The following HARS1 variants were observed in gnomAD, a reference collection of about 807,000 sequenced individuals.
HARS1 encodes histidine--tRNA ligase, cytoplasmic.
A neutral mutation model predicts 63.6 loss-of-function variants in HARS1; 45 were observed. The ratio of observed to expected loss-of-function variants is 0.71; its 90% confidence interval spans 0.56 to 0.91. The LOEUF is 0.91. Among genes scored for constraint, HARS1 ranks in the 40% least tolerant of loss-of-function variants. HARS1 has a pLI of 0.00. For synonymous variants in HARS1, 205 were observed against 247.1 expected (o/e 0.83, Z 1.60); for missense variants, 508 against 643.2 (o/e 0.79, Z 2.27).
Position 140,683,206 on chromosome 5 carries a change from T to C in HARS1, c.194A>G (p.Tyr65Cys), listed in dbSNP as rs778888468. 12 of 1,613,800 alleles carry C rather than the reference T, an allele frequency of 7.4e-6. No individual in the cohort carries two copies. The highest frequency in any genetic ancestry group is 2.2e-5 in the South Asian group (2 of 91,072). ...VLKTPKGTRD[Y>C]SPRQMAVREK... ...GCGAACTGCCATCTGCCGGGGACTA[T>C]AGTCTCTTGTGCCCTTGGAGTTGAA... Residue 65 changes from tyrosine (Y) to cysteine (C), a missense_variant, in exon 3 of 13, where the codon TAT becomes TGT. By Grantham distance (194) the Tyr-to-Cys change is radical (BLOSUM62 -2). Transcript: ENST00000504156.
chr5:140,678,952 T>C (rs1290731177), intron 5 of HARS1, 50 bp downstream of exon 5: 6 of 1,598,746 alleles, frequency 3.8e-6, no homozygotes, highest in Non-Finnish European at 5.1e-6. Flanking sequence ...TCTGCTGGCT[T>C]GAGAGAGCCC....
At position 140,679,878 on chromosome 5, in the gene HARS1, T is replaced by G; in HGVS notation, c.306A>C (p.Thr102=). ...IDTPVFELKE[T]LMGKYGEDSK... is the part of the protein sequence containing the mutation. Reference sequence around the variant, plus strand: ...AGTCTTCCCCATACTTTCCCATCAGTGTTTCCTGGAGAAAACATAAATAAA... The same window carrying G: ...AGTCTTCCCCATACTTTCCCATCAGGGTTTCCTGGAGAAAACATAAATAAA... The change falls in exon 4 of 13, where the codon ACA becomes ACC. Residue 102 remains threonine (T), a synonymous_variant. Transcript: ENST00000504156. This position sits in a 1 kb window ranked among gnomAD's most constrained non-coding sequence, Gnocchi z 4.3. 1 of 1,573,680 alleles carries G rather than the reference T, an allele frequency of 6.4e-7. No homozygotes were observed. The highest frequency in any genetic ancestry group is 8.7e-7 in the Non-Finnish European group (1 of 1,143,572).
rs763583109 is a variant in HARS1, at chr5:140,674,213, A to G, written c.*44T>C. ...ACATATGCAGTTTGTCTTAACCTCA[A>G]ATAGTGCCAGTCCCACTTCCTTTCC... is the stretch of plus-strand genomic sequence containing the variant. On this transcript the variant is annotated 3_prime_UTR_variant, in exon 13 of 13. Transcript: ENST00000504156. 1 of 1,234,464 alleles carries G rather than the reference A, an allele frequency of 8.1e-7. No homozygotes were observed. Among genetic ancestry groups the G allele is most frequent in the Admixed American group, 1.7e-5 (1 of 59,620 alleles). The allele number at this position is 1,234,464 out of a possible 1,614,324, so 76.5% of individuals were successfully genotyped here. A position where few individuals can be genotyped will look rare whatever the true frequency, so the allele number is the denominator to read the frequency against.
At chr5:140,684,456 T>C in intron 2 of HARS1, 1 of 964,150 alleles carries the variant, frequency 1.0e-6, no homozygotes, top group Non-Finnish European at 1.2e-6. Flanking sequence ...TTCTTTTAAA[T>C]CTTAGTTACA....
Position 140,678,989 on chromosome 5 carries a change from TC to T in HARS1, c.522+12del. On this transcript the variant is annotated intron_variant, in intron 5 of 12. Coordinates refer to ENST00000504156, the MANE Select transcript of HARS1 (RefSeq NM_002109.6). Reference sequence around the variant, plus strand: ...AAGTAACTCATCCTGCCCCACGGTTTCCCAACACTCACACACTGGTAGAATT... The same window carrying T: ...AAGTAACTCATCCTGCCCCACGGTTTCCAACACTCACACACTGGTAGAATT... 6.2e-7 allele frequency: 1 copy of T among 1,613,236 alleles called. No homozygotes were observed. The highest frequency in any genetic ancestry group is 8.5e-7 in the Non-Finnish European group (1 of 1,179,600).
rs1308744251 is a variant in HARS1 at position 140,674,064 on chromosome 5, G to GTGT, written c.*190_*192dup. ...GCCTCCTGGGCCTTGTATGAAAAAG[G>GTGT]TGTTGTACCTGGCCGTTTTTGCCAG... On this transcript the variant is annotated 3_prime_UTR_variant, in exon 13 of 13. Coordinates refer to ENST00000504156, the MANE Select transcript of HARS1 (RefSeq NM_002109.6). 1 of 659,436 alleles carries GTGT rather than the reference G, an allele frequency of 1.5e-6. No homozygotes were observed. Among genetic ancestry groups the GTGT allele is most frequent in the Non-Finnish European group, 2.8e-6 (1 of 361,628 alleles). 40.8% of individuals were successfully genotyped at this position (659,436 alleles called of 1,614,324 possible). A position where few individuals can be genotyped will look rare whatever the true frequency, so the allele number is the denominator to read the frequency against.
At chr5:140,690,807 A>G (rs748684462) in intron 2 of HARS1, 48 bp downstream of exon 2, 1 of 1,029,276 alleles carries the variant, frequency 9.7e-7, no homozygotes. Flanking sequence ...GCGCCCCGTG[A>G]GTAGAGTTAG....
intron 2 of HARS1, among the ~76,000 whole-genome samples, chr5:140,690,194 G>T (rs957580225): frequency 3.9e-5 from 6 of 152,218 alleles, no homozygotes; most frequent in African/African-American, 1.2e-4. Flanking sequence ...GCACACGTCT[G>T]TAATCCCAGC....
chr5:140,687,225 T>C (rs1759091224), intron 2 of HARS1, among the ~76,000 whole-genome samples: 1 of 152,148 alleles, frequency 6.6e-6, no homozygotes, highest in Non-Finnish European at 1.5e-5. Context: ...GGGTCAAGAT[T>C]CAATAAAATC....
intron 2 of HARS1, among the ~76,000 whole-genome samples, chr5:140,689,305 C>T (rs566866734): frequency 6.6e-6 from 1 of 152,296 alleles, no homozygotes; most frequent in Admixed American, 6.5e-5. Context: ...TCCATGGATG[C>T]TCAAGCCCTT....
At chr5:140,686,793 A>G (rs1315386255) in intron 2 of HARS1, among the ~76,000 whole-genome samples, 2 of 150,518 alleles carry the variant, frequency 1.3e-5, no homozygotes, top group East Asian at 2.0e-4. Context: ...GGGTTTCTCT[A>G]TGTTGGTCAG....
intron 2 of HARS1, chr5:140,688,028 C>T (rs1759141616): frequency 1.3e-5 from 2 of 152,258 alleles, no homozygotes; most frequent in Admixed American, 6.5e-5. Flanking sequence ...CGCTTGAACC[C>T]GGGAGGCGGA....
intron 1 of HARS1, 39 bp downstream of exon 1, chr5:140,691,176 G>A: frequency 6.9e-7 from 1 of 1,451,132 alleles, no homozygotes; most frequent in Non-Finnish European, 9.5e-7. Context: ...GTCCTCCCAG[G>A]CTTTGCCTTG....
chr5:140,675,446 G>A, intron 10 of HARS1: 1 of 230,234 alleles, frequency 4.3e-6, no homozygotes, highest in Non-Finnish European at 8.6e-6. Flanking sequence ...TGTCATCCAG[G>A]CTGAAGTGCC....
At chr5:140,674,362 A>T in intron 12 of HARS1, 34 bp from the exon 13 acceptor site, 1 of 1,409,938 alleles carries the variant, frequency 7.1e-7, no homozygotes, top group Non-Finnish European at 1.0e-6. Flanking sequence ...TGGTATAAGC[A>T]TCTTCCATTC....
rs202077643 is a variant in HARS1, at chr5:140,683,205, A to G, written c.195T>C (p.Tyr65=). The G allele has an allele frequency of 6.2e-7, 1 of 1,613,854 alleles. No individual in the cohort carries two copies. Among genetic ancestry groups the G allele is most frequent in the Non-Finnish European group, 8.5e-7 (1 of 1,179,802 alleles). The change falls in exon 3 of 13, where the codon TAT becomes TAC. Residue 65 remains tyrosine (Y), a synonymous_variant. Transcript: ENST00000504156. Reference sequence around the variant, plus strand: ...CGCGAACTGCCATCTGCCGGGGACTATAGTCTCTTGTGCCCTTGGAGTTGA... The same window carrying G: ...CGCGAACTGCCATCTGCCGGGGACTGTAGTCTCTTGTGCCCTTGGAGTTGA... ...VLKTPKGTRD[Y]SPRQMAVREK...
intron 2 of HARS1, chr5:140,684,270 A>T (rs535134126): frequency 1.3e-6 from 1 of 798,076 alleles, no homozygotes; most frequent in East Asian, 1.3e-4. Flanking sequence ...AGCCTGGGAG[A>T]CAGAGCAAGA....
intron 12 of HARS1, 145 bp from the exon 13 acceptor site, chr5:140,674,473 C>T: frequency 1.3e-6 from 1 of 796,904 alleles, no homozygotes; most frequent in East Asian, 2.5e-5. Flanking sequence ...TAGAGTGTGC[C>T]TCTTGGGGGA....
At chr5:140,684,743 A>G (rs575504553) in intron 2 of HARS1, 1 of 152,364 alleles carries the variant, frequency 6.6e-6, no homozygotes, top group South Asian at 2.1e-4. Flanking sequence ...ATCAATATTT[A>G]CTGTATTAGA....
Sources: allele counts gnomAD v4.1 joint callset (sites outside exome capture counted in the v4.1 genomes callset), GRCh38; gene constraint gnomAD v4.1.1; non-coding constraint Gnocchi (gnomAD v3.1); transcripts MANE v1.5; gene names NCBI Gene and HGNC (gene_info 2026-07-23, HGNC 2026-07-21).